Variants in SNX7 observed in about 807,000 individuals in gnomAD.
The protein encoded by SNX7 is sorting nexin 7.
In SNX7, 35 loss-of-function variants were observed where a neutral mutation model predicts 48.4. That is an observed-to-expected ratio of 0.72 (90% CI 0.55 to 0.96). The LOEUF (loss-of-function observed/expected upper bound fraction) is 0.96. Among genes scored for constraint, SNX7 ranks in the 40% least tolerant of loss-of-function variants. The probability of loss-of-function intolerance (pLI) is 0.00; values close to 1 mark genes in which losing one functional copy is unlikely to be tolerated. For missense variants in SNX7, 553 were observed against 548.9 expected (o/e 1.01, Z -0.07); for synonymous variants, 190 against 190.2 (o/e 1.00, Z 0.01).
intron 1 of SNX7, among the ~76,000 whole-genome samples, chr1:98,673,337 A>G (rs1417772839): frequency 2.0e-5 from 3 of 152,090 alleles, no homozygotes; most frequent in East Asian, 1.9e-4. Flanking sequence ...AGTGTTTTGT[A>G]TAGCTGACTC....
chr1:98,758,786 G>A (rs183603180), intron 8 of SNX7, among the ~76,000 whole-genome samples: 3 of 151,822 alleles, frequency 2.0e-5, no homozygotes, highest in African/African-American at 7.2e-5. Flanking sequence ...GTAATTATAC[G>A]AATCTTTTAG....
chr1:98,671,048 G>C (rs1355443076), intron 1 of SNX7, among the ~76,000 whole-genome samples: 2 of 152,088 alleles, frequency 1.3e-5, no homozygotes, highest in Non-Finnish European at 2.9e-5. Context: ...TATCCTTGAG[G>C]GTCCTCATAG....
At chr1:98,695,856 T>G in intron 5 of SNX7, 140 bp downstream of exon 5, 1 of 665,710 alleles carries the variant, frequency 1.5e-6, no homozygotes, top group South Asian at 1.8e-5. Flanking sequence ...TATGGACATT[T>G]CTGATTCCTA....
intron 1 of SNX7, among the ~76,000 whole-genome samples, chr1:98,678,280 T>C (rs1650285915): frequency 6.6e-6 from 1 of 152,116 alleles, no homozygotes; most frequent in East Asian, 1.9e-4. Context: ...CCTGAACTCA[T>C]AGACTGAGAA....
rs1653293889 is a variant in SNX7, at chr1:98,728,206, G to C, written c.1126-10031G>C. 2.0e-5 allele frequency among the ~76,000 whole-genome samples: 3 copies of C among 152,270 alleles called. No individual in the cohort carries two copies. The South Asian group carries it at 6.2e-4, about 32-fold the overall frequency. ...GGACCTCTTAGCAGAAACCCTGCAA[G>C]CCAGAAGTGTTTGGTGGCCAATATT... On this transcript the variant is annotated intron_variant, in intron 7 of 8. Coordinates refer to ENST00000306121, the MANE Select transcript of SNX7 (RefSeq NM_015976.5).
intron 1 of SNX7, 179 bp downstream of exon 1, chr1:98,662,090 C>T (rs977953074): frequency 3.7e-5 from 21 of 573,926 alleles, no homozygotes; most frequent in African/African-American, 3.5e-4. Flanking sequence ...GCACCCGGGG[C>T]CGCGTCGCCT....
intron 7 of SNX7, among the ~76,000 whole-genome samples, chr1:98,733,154 C>T (rs1653601510): frequency 6.6e-6 from 1 of 152,130 alleles, no homozygotes; most frequent in Admixed American, 6.6e-5. Context: ...CAGTGTCCCT[C>T]ACTTTGCGAT....
chr1:98,722,512 G>A (rs1652938133), intron 7 of SNX7, among the ~76,000 whole-genome samples: 2 of 151,988 alleles, frequency 1.3e-5, no homozygotes, highest in Admixed American at 1.3e-4. Flanking sequence ...GTCTTCTGAT[G>A]GAGTGGCAAT....
At chr1:98,719,346 C>A (rs561980314) in intron 7 of SNX7, among the ~76,000 whole-genome samples, 10 of 152,060 alleles carry the variant, frequency 6.6e-5, no homozygotes, top group African/African-American at 1.2e-4. Context: ...ATTCCTGTAC[C>A]CTCCACCCGC....
intron 6 of SNX7, among the ~76,000 whole-genome samples, chr1:98,700,264 A>G (rs1485441439): frequency 1.3e-5 from 2 of 152,180 alleles, no homozygotes; most frequent in East Asian, 1.9e-4. Flanking sequence ...TAATCCTTCC[A>G]TAAAAATGAT....
chr1:98,698,563 A>C, intron 5 of SNX7, 143 bp from the exon 6 acceptor site: 1 of 727,482 alleles, frequency 1.4e-6, no homozygotes, highest in Non-Finnish European at 2.2e-6. Context: ...GATTTAATGA[A>C]GGATGATATC....
At chr1:98,680,136 A>G (rs1200025135) in intron 1 of SNX7, among the ~76,000 whole-genome samples, 1 of 152,118 alleles carries the variant, frequency 6.6e-6, no homozygotes, top group Non-Finnish European at 1.5e-5. Flanking sequence ...CTAATTCTTG[A>G]CTTTGGTGCA....
chr1:98,691,290 A>T, intron 3 of SNX7, 105 bp downstream of exon 3: 1 of 634,440 alleles, frequency 1.6e-6, no homozygotes, highest in Non-Finnish European at 2.6e-6. Flanking sequence ...ACTGTAATTC[A>T]TTTATCTTAG....
chr1:98,756,201 T>C (rs1044946228), intron 8 of SNX7, among the ~76,000 whole-genome samples: 2 of 151,896 alleles, frequency 1.3e-5, no homozygotes, highest in African/African-American at 4.8e-5. Flanking sequence ...TACAAATGTG[T>C]TTTTTCATTC....
Position 98,682,644 on chromosome 1 carries a change from A to G in SNX7, c.181-2241A>G, listed in dbSNP as rs552944189. On this transcript the variant is annotated intron_variant, in intron 1 of 8. Transcript: ENST00000306121. ...ATCACCATTTAAGAACTCTGATGCCATTCTGATTCCCAAGATTCCTCCTTT... is the reference window on the plus strand; with the variant it reads ...ATCACCATTTAAGAACTCTGATGCCGTTCTGATTCCCAAGATTCCTCCTTT... 1.2e-3 allele frequency among the ~76,000 whole-genome samples: 184 copies of G among 152,312 alleles called. 1 individual carries two copies. Among genetic ancestry groups the G allele is most frequent in the Middle Eastern group, 0.01 (3 of 294 alleles).
chr1:98,672,916 G>A (rs1419084549), intron 1 of SNX7, among the ~76,000 whole-genome samples: 1 of 105,090 alleles, frequency 9.5e-6, no homozygotes, highest in Non-Finnish European at 1.8e-5. Context: ...GGGCGACAGA[G>A]CGAGACTCCG....
chr1:98,745,869 C>T (rs1654285634), intron 8 of SNX7, among the ~76,000 whole-genome samples: 1 of 151,976 alleles, frequency 6.6e-6, no homozygotes, highest in African/African-American at 2.4e-5. Flanking sequence ...TTTTTAATGC[C>T]ATTAAATGGC....
chr1:98,703,273 G>A (rs149714803), intron 7 of SNX7, among the ~76,000 whole-genome samples: 24 of 152,088 alleles, frequency 1.6e-4, no homozygotes, highest in Non-Finnish European at 3.5e-4. Flanking sequence ...AAATCAGAAT[G>A]TGCAATTATT....
chr1:98,686,906 G>C (rs944089652), intron 2 of SNX7, among the ~76,000 whole-genome samples: 1 of 151,820 alleles, frequency 6.6e-6, no homozygotes, highest in Non-Finnish European at 1.5e-5. Context: ...CATCATTTGC[G>C]TCTCTCAGAA....
Sources: gnomAD v4.1 joint callset for allele counts (sites outside exome capture counted in the v4.1 genomes callset) on GRCh38, gnomAD v4.1.1 for gene constraint, MANE v1.5 for transcripts, NCBI Gene and HGNC (gene_info 2026-07-23, HGNC 2026-07-21) for gene names.